The following RGS20 variants were observed in gnomAD, a reference collection of about 807,000 sequenced individuals.
RGS20 encodes the protein regulator of G protein signaling 20.
A neutral mutation model predicts 33.6 loss-of-function variants in RGS20; 30 were observed. The ratio of observed to expected loss-of-function variants is 0.89; its 90% CI spans 0.67 to 1.21. The LOEUF (loss-of-function observed/expected upper bound fraction) is 1.21. Among genes scored for constraint, RGS20 ranks in the 50% most tolerant of loss-of-function variants. The probability of loss-of-function intolerance (pLI) is 0.00; values close to 1 mark genes in which losing one functional copy is unlikely to be tolerated. For synonymous variants in RGS20, 208 were observed against 197.9 expected, an observed-to-expected ratio of 1.05 and a Z score of -0.43; for missense variants, 472 against 502.4, an observed-to-expected ratio of 0.94 and a Z score of 0.58.
In RGS20 at chr8:53,939,646, C is replaced by T; in HGVS notation, c.581C>T (p.Ala194Val). Residue 194 changes from alanine to valine, a missense_variant, in exon 3 of 6, where the codon GCC becomes GTC. By Grantham distance (64) the Ala-to-Val change is moderately conservative. Transcript: ENST00000297313. ...GCCGCCCAGGACACACCAGGCGCCG[C>T]CCCAGGCCAGCCCGGAGCGGGGAGT... 6.3e-7 allele frequency: 1 copy of T among 1,598,998 alleles called. No homozygotes were observed. The highest frequency in any genetic ancestry group is 8.5e-7 in the Non-Finnish European group (1 of 1,173,782).
At chr8:53,953,014 C>A (rs987480818) in intron 4 of RGS20, among the ~76,000 whole-genome samples, 1 of 151,962 alleles carries the variant, frequency 6.6e-6, no homozygotes, top group African/African-American at 2.4e-5. Flanking sequence ...AGGAAAATGG[C>A]GCATTCATAA....
At chr8:53,924,350 G>A (rs867740186) in intron 2 of RGS20, among the ~76,000 whole-genome samples, 10 of 151,956 alleles carry the variant, frequency 6.6e-5, no homozygotes, top group African/African-American at 1.7e-4. Flanking sequence ...ACCACGCCCG[G>A]CTAATTTTTG....
intron 5 of RGS20, among the ~76,000 whole-genome samples, chr8:53,955,008 C>T (rs1280083905): frequency 6.6e-6 from 1 of 151,436 alleles, no homozygotes; most frequent in Non-Finnish European, 1.5e-5. Flanking sequence ...TTAACTTTTT[C>T]CAGAAAAATG....
chr8:53,917,851 A>G (rs77660321), intron 2 of RGS20, among the ~76,000 whole-genome samples: 1 of 152,076 alleles, frequency 6.6e-6, no homozygotes. Flanking sequence ...CATTTTCATC[A>G]AAAGAAACCT....
chr8:53,878,697 C>T (rs1585877482), intron 1 of RGS20, among the ~76,000 whole-genome samples: 1 of 152,098 alleles, frequency 6.6e-6, no homozygotes, highest in African/African-American at 2.4e-5. Flanking sequence ...CAGCCACTAT[C>T]TGGACCTTCC....
chr8:53,883,582 G>A (rs555042643), intron 2 of RGS20, among the ~76,000 whole-genome samples: 4 of 152,116 alleles, frequency 2.6e-5, no homozygotes, highest in Non-Finnish European at 4.4e-5. Context: ...GCATAAACTT[G>A]GACTAGTTAC....
At chr8:53,911,214 ACTTTAGTGTGAGAGGC>A (rs1813338092) in intron 2 of RGS20, among the ~76,000 whole-genome samples, 1 of 152,226 alleles carries the variant, frequency 6.6e-6, no homozygotes, top group Non-Finnish European at 1.5e-5. Context: ...ATGAACTAAA[ACTTTAGTGTGAGAGGC>A]CAGGAGAAAA....
chr8:53,957,230 G>A (rs971464624), intron 5 of RGS20, among the ~76,000 whole-genome samples: 8 of 152,186 alleles, frequency 5.3e-5, no homozygotes, highest in East Asian at 1.9e-4. Flanking sequence ...AGGTTCAAGC[G>A]ATTCTCCTGC....
At position 53,879,323 on chromosome 8, in the gene RGS20, C is replaced by A. The variant is rs747148172; in HGVS notation, c.231C>A (p.Ser77Arg). 6 of 1,613,328 alleles carry A rather than the reference C, an allele frequency of 3.7e-6. No individual in the cohort carries two copies. In the Admixed American group the frequency reaches 8.3e-5, roughly 22 times the overall value. Residue 77 changes from serine to arginine, a missense_variant, in exon 2 of 6, where the codon AGC (serine) becomes AGA (arginine). Transcript: ENST00000297313. Reference sequence around the variant, plus strand: ...CGAAGCTGTTCGGCCTCCTTTCTAGCCCGCTTTCCAGCCTCGCAAGGTTCT... The same window carrying A: ...CGAAGCTGTTCGGCCTCCTTTCTAGACCGCTTTCCAGCCTCGCAAGGTTCT...
intron 2 of RGS20, among the ~76,000 whole-genome samples, chr8:53,910,832 A>G (rs529057322): frequency 2.0e-5 from 3 of 152,226 alleles, no homozygotes; most frequent in Non-Finnish European, 4.4e-5. Context: ...GACTCCAAAC[A>G]ATGCATACCA....
At chr8:53,923,226 C>T (rs1168959586) in intron 2 of RGS20, among the ~76,000 whole-genome samples, 1 of 152,152 alleles carries the variant, frequency 6.6e-6, no homozygotes, top group Non-Finnish European at 1.5e-5. Context: ...GCCACCGAAC[C>T]TGGCCAATCC....
chr8:53,911,264 A>T (rs1007243956), intron 2 of RGS20, among the ~76,000 whole-genome samples: 15 of 152,210 alleles, frequency 9.9e-5, no homozygotes, highest in Admixed American at 9.2e-4. Context: ...TAAAAAGTAG[A>T]TGAAGAATAA....
At chr8:53,930,818 G>A (rs1813933750) in intron 2 of RGS20, among the ~76,000 whole-genome samples, 1 of 152,116 alleles carries the variant, frequency 6.6e-6, no homozygotes, top group South Asian at 2.1e-4. Flanking sequence ...CAAGGAATAT[G>A]TTTTTTTAAT....
intron 4 of RGS20, among the ~76,000 whole-genome samples, chr8:53,950,483 G>A (rs1814678872): frequency 6.6e-6 from 1 of 152,074 alleles, no homozygotes; most frequent in South Asian, 2.1e-4. Context: ...TCCTTTGAGT[G>A]TCATGTCAAT....
chr8:53,879,156 C>A, intron 1 of RGS20: 3 of 924,788 alleles, frequency 3.2e-6, no homozygotes, highest in African/African-American at 1.7e-5. Flanking sequence ...TCTCTTGCAC[C>A]CCCAAAGTAA....
intron 5 of RGS20, among the ~76,000 whole-genome samples, chr8:53,956,106 C>T (rs1161380025): frequency 6.6e-6 from 1 of 152,088 alleles, no homozygotes; most frequent in Admixed American, 6.6e-5. Context: ...AAGGAGGCTA[C>T]AGATGGACCA....
At chr8:53,885,548 G>A (rs937515121) in intron 2 of RGS20, among the ~76,000 whole-genome samples, 5 of 152,026 alleles carry the variant, frequency 3.3e-5, no homozygotes, top group African/African-American at 4.8e-5. Context: ...TGGGAGGCGG[G>A]GCTTGCAGTG....
At chr8:53,875,429 C>CA (rs755991643) in intron 1 of RGS20, among the ~76,000 whole-genome samples, 9,568 of 54,642 alleles carry the variant, frequency 0.18, 560 homozygotes, top group Middle Eastern at 0.32. Flanking sequence ...AAGACTCTGT[C>CA]AAAAAAAAAA....
At chr8:53,944,918 C>T (rs1814428097) in intron 3 of RGS20, among the ~76,000 whole-genome samples, 1 of 152,056 alleles carries the variant, frequency 6.6e-6, no homozygotes, top group South Asian at 2.1e-4. Context: ...AATGAAATAC[C>T]ACTTCTCACC....
Sources: allele counts gnomAD v4.1 joint callset (sites outside exome capture counted in the v4.1 genomes callset), GRCh38; gene constraint gnomAD v4.1.1; transcripts MANE v1.5; gene names NCBI Gene and HGNC (gene_info 2026-07-23, HGNC 2026-07-21).